ITPRIP: variants seen among roughly 807,000 people sequenced by gnomAD.
ITPRIP encodes inositol 1,4,5-trisphosphate receptor-interacting protein.
Under a neutral mutation model 35.8 loss-of-function variants are expected in ITPRIP, and 32 were observed. The observed-to-expected ratio is 0.89, with a 90% CI of 0.68 to 1.20. The LOEUF (loss-of-function observed/expected upper bound fraction) is 1.20. Ranked by LOEUF, ITPRIP falls within the 50% of genes most tolerant of loss-of-function variation. The pLI is 0.00. For synonymous variants in ITPRIP, 358 were observed against 324.0 expected (o/e 1.11, Z -1.13); for missense variants, 653 against 735.6 (o/e 0.89, Z 1.30).
intron 1 of ITPRIP, among the ~76,000 whole-genome samples, chr10:104,318,326 C>A (rs2013742409): frequency 6.6e-6 from 1 of 152,174 alleles, no homozygotes; most frequent in South Asian, 2.1e-4. Context: ...GTACTCATAG[C>A]AGAATATCAG....
chr10:104,329,498 T>G (rs1040365729), intron 1 of ITPRIP, among the ~76,000 whole-genome samples: 3 of 152,100 alleles, frequency 2.0e-5, no homozygotes, highest in Non-Finnish European at 4.4e-5. Flanking sequence ...TGGCACCCAG[T>G]AGGTGTCCAA....
At chr10:104,323,722 T>A (rs2013914851) in intron 1 of ITPRIP, among the ~76,000 whole-genome samples, 1 of 152,240 alleles carries the variant, frequency 6.6e-6, no homozygotes, top group African/African-American at 2.4e-5. Context: ...CCCAGCCTAC[T>A]TGTCTCACCC....
intron 1 of ITPRIP, among the ~76,000 whole-genome samples, chr10:104,325,113 A>AG (rs2013960454): frequency 6.6e-6 from 1 of 152,204 alleles, no homozygotes. Context: ...CCAGCTACTC[A>AG]GGAGGCTTAG....
In ITPRIP at chr10:104,314,710, C is replaced by G. The variant is rs752822563; in HGVS notation, c.1342G>C (p.Asp448His). ...LHLLLLRQAA[D>H]WKAGQLDARL... ...GCGTCCAGCTGCCCCGCCTTCCAGTCGGCGGCCTGCCGGAGGAGTAGGAGG... is the reference window on the plus strand; with the variant it reads ...GCGTCCAGCTGCCCCGCCTTCCAGTGGGCGGCCTGCCGGAGGAGTAGGAGG... The change falls in exon 2 of 2, where the codon GAC becomes CAC. Residue 448 changes from aspartate (D) to histidine (H), a missense_variant. Coordinates refer to ENST00000337478, the MANE Select transcript of ITPRIP (RefSeq NM_001272013.2). 3 of 1,613,762 alleles carry G rather than the reference C, an allele frequency of 1.9e-6. No individual in the cohort carries two copies. Among genetic ancestry groups the G allele is most frequent in the Non-Finnish European group, 2.5e-6 (3 of 1,179,850 alleles).
At chr10:104,324,358 G>C (rs2013933528) in intron 1 of ITPRIP, among the ~76,000 whole-genome samples, 1 of 152,222 alleles carries the variant, frequency 6.6e-6, no homozygotes, top group Non-Finnish European at 1.5e-5. Flanking sequence ...GAGCAGACTG[G>C]GGCCGGAGGC....
In ITPRIP at chr10:104,314,666, C is replaced by G. The variant is rs762658280; in HGVS notation, c.1386G>C (p.Leu462=). Residue 462 remains leucine (L), a synonymous_variant, in exon 2 of 2, where the codon CTG becomes CTC. Transcript: ENST00000337478. ...GGAGCAAGCTCTTCTCCAGGAAGCA[C>G]AGCAACTCGTGCAGACGAGCGTCCA... is the stretch of plus-strand genomic sequence containing the variant. ...GQLDARLHEL[L]CFLEKSLLQK... is the part of the protein sequence containing the mutation. 9.9e-6 allele frequency: 16 copies of G among 1,613,834 alleles called. No homozygotes were observed. In the Middle Eastern group the frequency reaches 4.9e-4, roughly 50 times the overall value.
intron 1 of ITPRIP, among the ~76,000 whole-genome samples, chr10:104,331,195 G>C (rs1340735544): frequency 6.6e-6 from 1 of 152,218 alleles, no homozygotes; most frequent in Non-Finnish European, 1.5e-5. Flanking sequence ...AAGCGGCATG[G>C]GTACATTAGG....
intron 1 of ITPRIP, 58 bp from the exon 2 acceptor site, chr10:104,316,122 G>C (rs2013679942): frequency 7.1e-7 from 1 of 1,405,298 alleles, no homozygotes; most frequent in Admixed American, 2.5e-5. Flanking sequence ...CTTCGTCCCT[G>C]GGCCCCGCAC....
chr10:104,314,587 C>T lies in ITPRIP; in HGVS notation c.1465G>A (p.Gly489Arg). ...IGNRKVPEAMGLPEAVLRAEP... is the reference protein window; with the variant it reads ...IGNRKVPEAMRLPEAVLRAEP... ...GCCCTGAGCACGGCCTCAGGGAGTC[C>T]CATGGCCTCAGGCACCTTGCGGTTG... The change falls in exon 2 of 2, where the codon GGA becomes AGA. Residue 489 changes from glycine (G) to arginine (R), a missense_variant. Gly to Arg is a moderately radical substitution (Grantham distance 125, BLOSUM62 -2). Coordinates refer to ENST00000337478, the MANE Select transcript of ITPRIP (RefSeq NM_001272013.2). The T allele has an allele frequency of 6.2e-7, 1 of 1,614,152 alleles. No individual in the cohort carries two copies. Among genetic ancestry groups the T allele is most frequent in the Non-Finnish European group, 8.5e-7 (1 of 1,180,022 alleles).
chr10:104,312,593 C>A lies in ITPRIP; in HGVS notation c.*1815G>T. The A allele has an allele frequency of 1.0e-6, 1 of 984,918 alleles. No homozygotes were observed. Among genetic ancestry groups the A allele is most frequent in the Non-Finnish European group, 1.2e-6 (1 of 829,404 alleles). The allele number at this position is 984,918 out of a possible 1,614,324, so 61.0% of individuals were successfully genotyped here. ...TCCCTGGAGTGCCCCGCAACTGCGT[C>A]TAGGGAGAGGCAGGCCCAAGCACAT... is the stretch of plus-strand genomic sequence containing the variant. On this transcript the variant is annotated 3_prime_UTR_variant, in exon 2 of 2. Transcript: ENST00000337478.
At position 104,315,409 on chromosome 10, in the gene ITPRIP, TG is replaced by T. The variant is rs2013638707; in HGVS notation, c.642del (p.Phe214LeufsTer40). The T allele has an allele frequency of 3.3e-5, 52 of 1,585,698 alleles. No homozygotes were observed. The highest frequency in any genetic ancestry group is 4.2e-5 in the Non-Finnish European group (49 of 1,162,978). ...RPLLCHLFVP[F>X]TPPEPYRFHP... ...TGGAAGCGGTAGGGCTCGGGGGGTG[TG>T]AAGGGCACGAAAAGGTGGCACAGCA... On this transcript the variant is annotated frameshift_variant, in exon 2 of 2. Transcript: ENST00000337478. LOFTEE classifies it high-confidence loss of function. The surrounding 1 kb of genome is among the most constrained non-coding windows in gnomAD (Gnocchi z 5.7).
chr10:104,315,600 C>G lies in ITPRIP; in HGVS notation c.452G>C (p.Arg151Pro), dbSNP rs1451276483. The G allele has an allele frequency of 1.2e-6, 2 of 1,613,286 alleles. No individual in the cohort carries two copies. The highest frequency in any genetic ancestry group is 1.3e-5 in the African/African-American group (1 of 74,958). The change falls in exon 2 of 2, where the codon CGG (arginine) becomes CCG (proline). Residue 151 changes from arginine to proline, a missense_variant. Transcript: ENST00000337478. This position sits in a 1 kb window ranked among gnomAD's most constrained non-coding sequence, Gnocchi z 5.7. The part of the protein sequence containing the change: ...TLGHFYERCI[R>P]GATADAARTR... ...ACGGGCTGCATCGGCCGTGGCCCCC[C>G]GGATGCAGCGCTCATAAAAGTGGCC...
intron 1 of ITPRIP, among the ~76,000 whole-genome samples, chr10:104,332,171 A>T (rs1165754588): frequency 6.6e-6 from 1 of 152,176 alleles, no homozygotes; most frequent in Non-Finnish European, 1.5e-5. Flanking sequence ...GAGGAGAAAT[A>T]AATATGTGTA....
rs781074228 is a variant in ITPRIP at position 104,315,289 on chromosome 10, A to C, written c.763T>G (p.Cys255Gly). 44 of 1,597,782 alleles carry C rather than the reference A, an allele frequency of 2.8e-5. No individual in the cohort carries two copies. Among genetic ancestry groups the C allele is most frequent in the Non-Finnish European group, 3.5e-5 (41 of 1,170,136 alleles). The change falls in exon 2 of 2, where the codon TGC (cysteine) becomes GGC (glycine). Residue 255 changes from cysteine to glycine, a missense_variant. Cys to Gly is a radical substitution (Grantham distance 159). Transcript: ENST00000337478. This position sits in a 1 kb window ranked among gnomAD's most constrained non-coding sequence, Gnocchi z 5.7. ...VVRADGDTLS[C>G]ICGKTKLGED... ...CCGAGCTTGGTCTTGCCGCAGATGCAGCTCAATGTGTCCCCATCGGCGCGG... is the reference window on the plus strand; with the variant it reads ...CCGAGCTTGGTCTTGCCGCAGATGCCGCTCAATGTGTCCCCATCGGCGCGG...
In ITPRIP at chr10:104,312,223, C is replaced by CAGAAAAGATTCCCGTT. The variant is rs1158874766; in HGVS notation, c.*2184_*2185insAACGGGAATCTTTTCT. On this transcript the variant is annotated 3_prime_UTR_variant, in exon 2 of 2. Transcript: ENST00000337478. Reference sequence around the variant, plus strand: ...CCACTGCTTTCTGCTTTAGAAGCAGCTTTGGTGCAGAAAAGATTCCCGTTT... The same window carrying CAGAAAAGATTCCCGTT: ...CCACTGCTTTCTGCTTTAGAAGCAGCAGAAAAGATTCCCGTTTTTGGTGCAGAAAAGATTCCCGTTT... 1 of 152,550 alleles carries CAGAAAAGATTCCCGTT rather than the reference C, an allele frequency of 6.6e-6. No individual in the cohort carries two copies. The highest frequency in any genetic ancestry group is 1.5e-5 in the Non-Finnish European group (1 of 68,040). The allele number at this position is 152,550 out of a possible 1,614,324, so 9.4% of individuals were successfully genotyped here.
intron 1 of ITPRIP, among the ~76,000 whole-genome samples, chr10:104,320,109 G>C (rs1426731902): frequency 6.6e-6 from 1 of 152,132 alleles, no homozygotes; most frequent in Non-Finnish European, 1.5e-5. Flanking sequence ...ATTCTGTACA[G>C]AATCTCCTTC....
rs1378737054 is a variant in ITPRIP at position 104,315,325 on chromosome 10, T to C, written c.727A>G (p.Ile243Val). ...TCCCCATCGGCGCGGACCACCTTGA[T>C]CTGGCCGTAGCCCTGGCGATCCAGG... ...VPLDRQGYGQ[I>V]KVVRADGDTL... The change falls in exon 2 of 2, where the codon ATC becomes GTC. Residue 243 changes from isoleucine (I) to valine (V), a missense_variant. Coordinates refer to ENST00000337478, the MANE Select transcript of ITPRIP (RefSeq NM_001272013.2). This position sits in a 1 kb window ranked among gnomAD's most constrained non-coding sequence, Gnocchi z 5.7. The C allele has an allele frequency of 6.4e-7, 1 of 1,570,278 alleles. No individual in the cohort carries two copies. Among genetic ancestry groups the C allele is most frequent in the Non-Finnish European group, 8.7e-7 (1 of 1,154,956 alleles).
At position 104,313,539 on chromosome 10, in the gene ITPRIP, G is replaced by C. The variant is rs189982516; in HGVS notation, c.*869C>G. 15 of 985,506 alleles carry C rather than the reference G, an allele frequency of 1.5e-5. No individual in the cohort carries two copies. The East Asian group carries it at 1.6e-3, about 104-fold the overall frequency. The allele number at this position is 985,506 out of a possible 1,614,324, so 61.0% of individuals were successfully genotyped here. On this transcript the variant is annotated 3_prime_UTR_variant, in exon 2 of 2. Transcript: ENST00000337478. ...TTCTCCAGGTCAGCTTCCACCTTTA[G>C]CATCTGTCCTCCCCCTACCACAATG...
intron 1 of ITPRIP, among the ~76,000 whole-genome samples, chr10:104,336,521 G>T (rs1409499997): frequency 1.3e-5 from 2 of 150,704 alleles, no homozygotes; most frequent in African/African-American, 2.5e-5. Flanking sequence ...CGGGGCATTG[G>T]GGGGTAGGTT....
Sources: allele counts gnomAD v4.1 joint callset (sites outside exome capture counted in the v4.1 genomes callset), GRCh38; gene constraint gnomAD v4.1.1; non-coding constraint Gnocchi (gnomAD v3.1); transcripts MANE v1.5; gene names NCBI Gene and HGNC (gene_info 2026-07-23, HGNC 2026-07-21).